ZNF486: variants seen among roughly 807,000 people sequenced by gnomAD.
ZNF486 encodes the protein KRAB box only protein 2.
Under a neutral mutation model 12.8 loss-of-function variants are expected in ZNF486, and 12 were observed. The ratio of observed to expected loss-of-function variants is 0.94; its 90% confidence interval spans 0.60 to 1.52. The LOEUF (loss-of-function observed/expected upper bound fraction) is 1.52, where lower values mean the gene tolerates loss of function less well. Ranked by LOEUF, ZNF486 falls within the 40% of genes most tolerant of loss-of-function variation. The pLI, the probability that ZNF486 is intolerant of heterozygous loss-of-function variation, is 0.00. For synonymous variants in ZNF486, 231 were observed against 184.9 expected, an observed-to-expected ratio of 1.25 and a Z score of -2.02; for missense variants, 738 against 545.0, an observed-to-expected ratio of 1.35 and a Z score of -3.53.
Position 20,167,600 on chromosome 19 carries a change from A to C in ZNF486, c.30+240A>C, listed in dbSNP as rs906095269. 4.1e-4 allele frequency among the ~76,000 whole-genome samples: 62 copies of C among 152,246 alleles called. 1 individual carries two copies. The highest frequency in any genetic ancestry group is 1.4e-3 in the African/African-American group (60 of 41,540). On this transcript the variant is annotated intron_variant, in intron 1 of 3. Coordinates refer to ENST00000335117, the MANE Select transcript of ZNF486 (RefSeq NM_052852.4). ...CCCTGGCCTGGCGCCCTCTCTGTGCAGCAGCTCTCCACCCGCAGCTTCGGG... is the reference window on the plus strand; with the variant it reads ...CCCTGGCCTGGCGCCCTCTCTGTGCCGCAGCTCTCCACCCGCAGCTTCGGG...
At chr19:20,171,951 A>G (rs1555713935) in intron 1 of ZNF486, among the ~76,000 whole-genome samples, 1 of 148,918 alleles carries the variant, frequency 6.7e-6, no homozygotes, top group African/African-American at 2.5e-5. Flanking sequence ...GCTCTTAATA[A>G]CATGCATTTG....
At chr19:20,172,771 C>T (rs1036738641) in intron 1 of ZNF486, among the ~76,000 whole-genome samples, 2 of 149,060 alleles carry the variant, frequency 1.3e-5, no homozygotes, top group East Asian at 3.9e-4. Flanking sequence ...TTCTGAGTAG[C>T]TGGGATTACA....
chr19:20,192,398 C>T (rs372331965), intron 3 of ZNF486, among the ~76,000 whole-genome samples: 6 of 152,028 alleles, frequency 3.9e-5, no homozygotes, highest in African/African-American at 1.5e-4. Flanking sequence ...CTCTGCCTCC[C>T]AAGTTCAAGT....
chr19:20,176,000 C>T (rs922897817), intron 1 of ZNF486: 15 of 165,726 alleles, frequency 9.1e-5, no homozygotes, highest in East Asian at 5.7e-4. Context: ...GCTGGCCTGG[C>T]GGGGGCTGAC....
chr19:20,185,275 T>A (rs2089829651), intron 2 of ZNF486, among the ~76,000 whole-genome samples: 1 of 152,114 alleles, frequency 6.6e-6, no homozygotes, highest in African/African-American at 2.4e-5. Flanking sequence ...AAATAAGATT[T>A]TTTCTTTCTC....
chr19:20,167,510 A>ATGGC, intron 1 of ZNF486, 150 bp downstream of exon 1: 2 of 891,570 alleles, frequency 2.2e-6, no homozygotes, highest in Non-Finnish European at 3.4e-6. Flanking sequence ...CTTCAGCCAT[A>ATGGC]AGATGGTGGC....
chr19:20,186,064 A>G lies in ZNF486; in HGVS notation c.235A>G (p.Met79Val). Residue 79 changes from methionine (M) to valine (V), a missense_variant, in exon 3 of 4, where the codon ATG becomes GTG. Met to Val is a conservative substitution (Grantham distance 21). Coordinates refer to ENST00000335117, the MANE Select transcript of ZNF486 (RefSeq NM_052852.4). ...IKPLTMKRHEMIAKPPVVCSH... is the reference protein window; with the variant it reads ...IKPLTMKRHEVIAKPPVVCSH... ...ACCTCTGACTATGAAGAGACATGAG[A>G]TGATTGCCAAACCCCCAGGTAGGTG... The G allele has an allele frequency of 6.3e-7, 1 of 1,591,440 alleles. No individual in the cohort carries two copies. Among genetic ancestry groups the G allele is most frequent in the Non-Finnish European group, 8.5e-7 (1 of 1,171,216 alleles).
At chr19:20,194,658 T>G (rs1164143487) in intron 3 of ZNF486, among the ~76,000 whole-genome samples, 1 of 151,972 alleles carries the variant, frequency 6.6e-6, no homozygotes, top group Admixed American at 6.6e-5. Context: ...AACCCGGGAG[T>G]TGGAGGTTGC....
In ZNF486 at chr19:20,197,062, G is replaced by A. The variant is rs112605433; in HGVS notation, c.352G>A (p.Gly118Ser). ...GAGAAAATTTGAAAAATGTGGACATGGCAATTTACACTTTAAAAAAGGCTG... is the reference window on the plus strand; with the variant it reads ...GAGAAAATTTGAAAAATGTGGACATAGCAATTTACACTTTAAAAAAGGCTG... The part of the protein sequence containing the change: ...ILRKFEKCGH[G>S]NLHFKKGCES... The change falls in exon 4 of 4, where the codon GGC (glycine) becomes AGC (serine). Residue 118 changes from glycine to serine, a missense_variant. Coordinates refer to ENST00000335117, the MANE Select transcript of ZNF486 (RefSeq NM_052852.4). 5.0e-6 allele frequency: 8 copies of A among 1,612,390 alleles called. No individual in the cohort carries two copies. The African/African-American group carries it at 6.7e-5, about 13-fold the overall frequency.
At chr19:20,188,642 G>T in intron 3 of ZNF486, 1 of 393,790 alleles carries the variant, frequency 2.5e-6, no homozygotes, top group Non-Finnish European at 4.5e-6. Flanking sequence ...GTGAGACCCT[G>T]TCTCCAAAAA....
chr19:20,198,107 G>A lies in ZNF486; in HGVS notation c.*5G>A. Reference sequence around the variant, plus strand: ...GGACAGAAACCAAGAACGTGACAAAGGATTATTTTATTATTATTATTTTTT... The same window carrying A: ...GGACAGAAACCAAGAACGTGACAAAAGATTATTTTATTATTATTATTTTTT... On this transcript the variant is annotated 3_prime_UTR_variant, in exon 4 of 4. Transcript: ENST00000335117. 2 of 1,544,020 alleles carry A rather than the reference G, an allele frequency of 1.3e-6. No individual in the cohort carries two copies. Among genetic ancestry groups the A allele is most frequent in the Non-Finnish European group, 1.7e-6 (2 of 1,147,590 alleles).
At position 20,197,917 on chromosome 19, in the gene ZNF486, G is replaced by A. The variant is rs570413641; in HGVS notation, c.1207G>A (p.Glu403Lys). 5 of 1,613,388 alleles carry A rather than the reference G, an allele frequency of 3.1e-6. No individual in the cohort carries two copies. The South Asian group carries it at 5.5e-5, about 18-fold the overall frequency. ...TAAACATAGGAGAACTCATACTGGA[G>A]AGAAACCCTACAAATGTGAAGAATG... ...LHKHRRTHTGEKPYKCEECGK... is the reference protein window; with the variant it reads ...LHKHRRTHTGKKPYKCEECGK... The change falls in exon 4 of 4, where the codon GAG (glutamate) becomes AAG (lysine). Residue 403 changes from glutamate to lysine, a missense_variant. Physicochemically the swap from Glu to Lys is moderately conservative, Grantham distance 56. Coordinates refer to ENST00000335117, the MANE Select transcript of ZNF486 (RefSeq NM_052852.4).
chr19:20,188,511 C>T (rs182714718), intron 3 of ZNF486: 8 of 398,162 alleles, frequency 2.0e-5, no homozygotes, highest in African/African-American at 8.2e-5. Flanking sequence ...TATGGAGACC[C>T]CTCTTTATAA....
At chr19:20,185,255 A>G (rs1215804968) in intron 2 of ZNF486, among the ~76,000 whole-genome samples, 2 of 152,054 alleles carry the variant, frequency 1.3e-5, no homozygotes, top group South Asian at 2.1e-4. Context: ...TTATTATTTA[A>G]TGGTATAGTA....
At chr19:20,175,183 C>T (rs896638434) in intron 1 of ZNF486, 3 of 152,056 alleles carry the variant, frequency 2.0e-5, no homozygotes, top group Admixed American at 6.5e-5. Flanking sequence ...AGTAGCTGTG[C>T]GCTTTGGGTG....
At chr19:20,186,105 A>G (rs541487939) in intron 3 of ZNF486, 23 bp downstream of exon 3, 1 of 1,551,114 alleles carries the variant, frequency 6.4e-7, no homozygotes, top group South Asian at 1.2e-5. Flanking sequence ...GAAAATGAAC[A>G]CAACAGACAA....
At chr19:20,190,010 T>C (rs1259994347) in intron 3 of ZNF486, among the ~76,000 whole-genome samples, 2 of 152,244 alleles carry the variant, frequency 1.3e-5, no homozygotes, top group African/African-American at 4.8e-5. Context: ...CAATTTTATT[T>C]TATCAGTGTT....
At chr19:20,174,360 A>T (rs2089681860) in intron 1 of ZNF486, among the ~76,000 whole-genome samples, 1 of 151,780 alleles carries the variant, frequency 6.6e-6, no homozygotes, top group African/African-American at 2.4e-5. Context: ...CTGCATTTAT[A>T]TACATTTAAC....
chr19:20,193,900 A>G (rs1187308714), intron 3 of ZNF486, among the ~76,000 whole-genome samples: 2 of 151,610 alleles, frequency 1.3e-5, no homozygotes, highest in Admixed American at 6.6e-5. Context: ...AACATGGGGG[A>G]TTACATAAAA....
Sources: gnomAD v4.1 joint callset for allele counts (sites outside exome capture counted in the v4.1 genomes callset) on GRCh38, gnomAD v4.1.1 for gene constraint, MANE v1.5 for transcripts, NCBI Gene and HGNC (gene_info 2026-07-23, HGNC 2026-07-21) for gene names.